The following EDIL3 variants were observed in gnomAD, a reference collection of about 807,000 sequenced individuals.
The protein encoded by EDIL3 is EGF-like repeat and discoidin I-like domain-containing protein 3.
Under a neutral mutation model 67.4 loss-of-function variants are expected in EDIL3, and 37 were observed. That is an observed-to-expected ratio of 0.55 (90% confidence interval 0.42 to 0.72). The LOEUF (loss-of-function observed/expected upper bound fraction) is 0.72, where lower values mean the gene tolerates loss of function less well. Among genes scored for constraint, EDIL3 ranks in the 30% least tolerant of loss-of-function variants. EDIL3 has a pLI of 0.00. For synonymous variants in EDIL3, 195 were observed against 196.3 expected, an observed-to-expected ratio of 0.99 and a Z score of 0.05; for missense variants, 527 against 586.3, an observed-to-expected ratio of 0.90 and a Z score of 1.04.
At chr5:84,139,086 A>T (rs1027603354) in intron 4 of EDIL3, among the ~76,000 whole-genome samples, 20 of 152,122 alleles carry the variant, frequency 1.3e-4, no homozygotes, top group African/African-American at 4.3e-4. Flanking sequence ...AAAAATACAA[A>T]AATTAGCTGG....
At chr5:84,260,995 G>A (rs978211606) in intron 1 of EDIL3, among the ~76,000 whole-genome samples, 2 of 152,158 alleles carry the variant, frequency 1.3e-5, no homozygotes, top group Non-Finnish European at 2.9e-5. Context: ...TTTTGCATCT[G>A]TGACAATGCA....
chr5:84,250,759 A>G (rs565342535), intron 2 of EDIL3, among the ~76,000 whole-genome samples: 1 of 152,342 alleles, frequency 6.6e-6, no homozygotes, highest in South Asian at 2.1e-4. Context: ...TCAAAAAACA[A>G]CTTTTTCTAA....
chr5:83,997,095 A>G (rs991205157), intron 9 of EDIL3, among the ~76,000 whole-genome samples: 2 of 152,206 alleles, frequency 1.3e-5, no homozygotes, highest in African/African-American at 4.8e-5. Context: ...GGTATGGCAG[A>G]AGAACAGGGT....
intron 9 of EDIL3, among the ~76,000 whole-genome samples, chr5:84,052,813 T>C (rs1463307373): frequency 6.6e-6 from 1 of 152,110 alleles, no homozygotes; most frequent in Non-Finnish European, 1.5e-5. Flanking sequence ...ATAAAGCAAG[T>C]CCTTAGGACC....
intron 6 of EDIL3, among the ~76,000 whole-genome samples, chr5:84,100,286 T>C (rs1055392399): frequency 6.6e-6 from 1 of 152,140 alleles, no homozygotes; most frequent in Non-Finnish European, 1.5e-5. Context: ...TGTGTGTTTA[T>C]TGCAGCATTA....
intron 9 of EDIL3, among the ~76,000 whole-genome samples, chr5:83,997,660 G>T (rs1255889723): frequency 2.0e-5 from 3 of 152,156 alleles, no homozygotes; most frequent in Non-Finnish European, 2.9e-5. Flanking sequence ...ACACTGAGTT[G>T]TTAACAAAGA....
chr5:84,152,656 T>C (rs185472586), intron 4 of EDIL3, among the ~76,000 whole-genome samples: 147 of 152,146 alleles, frequency 9.7e-4, no homozygotes, highest in African/African-American at 3.4e-3. Flanking sequence ...TATAAAGATT[T>C]GAGTTTATGC....
intron 1 of EDIL3, among the ~76,000 whole-genome samples, chr5:84,287,361 G>A (rs1462399248): frequency 6.6e-6 from 1 of 152,100 alleles, no homozygotes; most frequent in Non-Finnish European, 1.5e-5. Context: ...GGTCTTCTCT[G>A]CAGCATATCT....
chr5:84,182,244 T>C (rs1490446226), intron 3 of EDIL3, among the ~76,000 whole-genome samples: 2 of 149,314 alleles, frequency 1.3e-5, no homozygotes, highest in East Asian at 3.9e-4. Flanking sequence ...CTGGGCAACA[T>C]GGTGAAACTC....
At chr5:84,249,009 A>T (rs1734892631) in intron 2 of EDIL3, among the ~76,000 whole-genome samples, 1 of 152,182 alleles carries the variant, frequency 6.6e-6, no homozygotes, top group Non-Finnish European at 1.5e-5. Context: ...TAAAAAGTTG[A>T]AATTTTTTTA....
At position 84,178,965 on chromosome 5, in the gene EDIL3, A is replaced by G. The variant is rs546459580; in HGVS notation, c.355+1428T>C. Among the ~76,000 whole-genome samples the G allele has an allele frequency of 3.3e-5, 5 of 152,296 alleles. No homozygotes were observed. In the East Asian group the frequency reaches 9.6e-4, roughly 29 times the overall value. On this transcript the variant is annotated intron_variant, in intron 4 of 10. Transcript: ENST00000296591. ...TATTAATTTATAAGCTTGTCTGAAT[A>G]TAGTATGAAGCTATATTTTATATAT...
rs142715442 is a variant in EDIL3, at chr5:84,371,450, TAGAGAGAG to T, written c.67+12850_67+12857del. On this transcript the variant is annotated intron_variant, in intron 1 of 10. Transcript: ENST00000296591. ...ATGTGTGTGTATATATATATATATATAGAGAGAGAGAGAGAGAGAGAGAGAGAAAGAGA... is the reference window on the plus strand; with the variant it reads ...ATGTGTGTGTATATATATATATATATAGAGAGAGAGAGAGAGAGAAAGAGA... Among the ~76,000 whole-genome samples the T allele has an allele frequency of 8.1e-3, 838 of 103,966 alleles. 13 individuals are homozygous for T. Among genetic ancestry groups the T allele is most frequent in the East Asian group, 0.059 (218 of 3,664 alleles). 68.2% of individuals were successfully genotyped at this position (103,966 alleles called of 152,430 possible). A position where few individuals can be genotyped will look rare whatever the true frequency, so the allele number is the denominator to read the frequency against.
intron 9 of EDIL3, among the ~76,000 whole-genome samples, chr5:84,042,585 C>T (rs537071823): frequency 1.6e-4 from 24 of 152,072 alleles, no homozygotes; most frequent in Admixed American, 1.4e-3. Context: ...CCTGGCCTGA[C>T]ACTATTTTTT....
chr5:84,084,094 C>G (rs1358231582), intron 6 of EDIL3, among the ~76,000 whole-genome samples: 3 of 151,820 alleles, frequency 2.0e-5, no homozygotes, highest in Admixed American at 2.0e-4. Flanking sequence ...TATATGTTTT[C>G]AAAAAATAAA....
At chr5:84,213,191 GTTT>G (rs34340201) in intron 3 of EDIL3, among the ~76,000 whole-genome samples, 39 of 149,144 alleles carry the variant, frequency 2.6e-4, no homozygotes, top group African/African-American at 6.4e-4. Context: ...ATTTTCAGTG[GTTT>G]TTTTTTTTTG....
At chr5:84,115,320 C>T (rs1747645439) in intron 5 of EDIL3, among the ~76,000 whole-genome samples, 1 of 152,126 alleles carries the variant, frequency 6.6e-6, no homozygotes, top group African/African-American at 2.4e-5. Context: ...ATGTTTTCTT[C>T]ACACTGTGTG....
intron 1 of EDIL3, among the ~76,000 whole-genome samples, chr5:84,371,345 G>GTGTATATATGTA (rs1561271557): frequency 3.1e-5 from 3 of 97,226 alleles, no homozygotes; most frequent in Non-Finnish European, 7.6e-5. Flanking sequence ...ATATATATGT[G>GTGTATATATGTA]TGTGTGTATA....
At chr5:84,035,484 T>C (rs1019488779) in intron 9 of EDIL3, among the ~76,000 whole-genome samples, 2 of 152,200 alleles carry the variant, frequency 1.3e-5, no homozygotes, top group Non-Finnish European at 1.5e-5. Flanking sequence ...TAAATAGTTA[T>C]GTGAATATTT....
intron 5 of EDIL3, among the ~76,000 whole-genome samples, chr5:84,127,697 C>T (rs1014545022): frequency 6.6e-6 from 1 of 152,046 alleles, no homozygotes; most frequent in African/African-American, 2.4e-5. Flanking sequence ...ATTCTGTATT[C>T]CTCTTCTGTT....
Sources: allele counts gnomAD v4.1 joint callset (sites outside exome capture counted in the v4.1 genomes callset), GRCh38; gene constraint gnomAD v4.1.1; transcripts MANE v1.5; gene names NCBI Gene and HGNC (gene_info 2026-07-23, HGNC 2026-07-21).